SPAG9: variants seen among roughly 807,000 people sequenced by gnomAD.
SPAG9 encodes the protein C-Jun-amino-terminal kinase-interacting protein 4.
Under a neutral mutation model 166.5 loss-of-function variants are expected in SPAG9, and 35 were observed. The observed-to-expected ratio is 0.21, with a 90% confidence interval of 0.16 to 0.28. The LOEUF (loss-of-function observed/expected upper bound fraction) is 0.28, where lower values mean the gene tolerates loss of function less well. Among genes scored for constraint, SPAG9 ranks in the 10% least tolerant of loss-of-function variants. The probability of loss-of-function intolerance (pLI) is 1.00; values close to 1 mark genes in which losing one functional copy is unlikely to be tolerated. For missense variants in SPAG9, 1,235 were observed against 1,603.3 expected (o/e 0.77, Z 3.92); for synonymous variants, 534 against 565.5 (o/e 0.94, Z 0.79).
At chr17:50,971,735 C>A (rs1422758013) in intron 28 of SPAG9, among the ~76,000 whole-genome samples, 1 of 152,000 alleles carries the variant, frequency 6.6e-6, no homozygotes, top group African/African-American at 2.4e-5. Context: ...GCTGGGAATA[C>A]AGGCATGAGC....
At chr17:50,975,013 C>G in intron 27 of SPAG9, 66 bp from the exon 28 acceptor site, 1 of 1,431,540 alleles carries the variant, frequency 7.0e-7, no homozygotes, top group South Asian at 1.2e-5. Context: ...TAAGAGGTTA[C>G]TGGTTAATCC....
intron 2 of SPAG9, among the ~76,000 whole-genome samples, chr17:51,068,551 C>T (rs1004684457): frequency 9.9e-5 from 15 of 152,114 alleles, no homozygotes; most frequent in South Asian, 2.1e-4. Context: ...GGACAGTCCA[C>T]GCTTAACCTC....
In SPAG9 at chr17:51,031,757, TTA is replaced by T. The variant is rs1324241913; in HGVS notation, c.742-37_742-36del. On this transcript the variant is annotated intron_variant, in intron 5 of 29. Coordinates refer to ENST00000262013, the MANE Select transcript of SPAG9 (RefSeq NM_001130528.3). Reference sequence around the variant, plus strand: ...GGGAAGATTATAAAAGAGAAAAAAATTATGTGTTTACTAGGTTTTAACACAGC... The same window carrying T: ...GGGAAGATTATAAAAGAGAAAAAAATTGTGTTTACTAGGTTTTAACACAGC... 5 of 1,500,616 alleles carry T rather than the reference TTA, an allele frequency of 3.3e-6. No individual in the cohort carries two copies. The African/African-American group carries it at 6.9e-5, about 21-fold the overall frequency. The allele number at this position is 1,500,616 out of a possible 1,614,324, so 93.0% of individuals were successfully genotyped here. A position where few individuals can be genotyped will look rare whatever the true frequency, so the allele number is the denominator to read the frequency against.
chr17:51,019,618 C>A (rs147533628), intron 8 of SPAG9, among the ~76,000 whole-genome samples: 2 of 151,330 alleles, frequency 1.3e-5, no homozygotes, highest in Non-Finnish European at 2.9e-5. Flanking sequence ...TTTGGGAGGC[C>A]GAGGCGGGTG....
In SPAG9 at chr17:50,996,604, C is replaced by T. The variant is rs373277751; in HGVS notation, c.1929G>A (p.Val643=). The T allele has an allele frequency of 4.3e-6, 7 of 1,614,064 alleles. No homozygotes were observed. Among genetic ancestry groups the T allele is most frequent in the Middle Eastern group, 1.6e-4 (1 of 6,084 alleles). The change falls in exon 16 of 30, where the codon GTG becomes GTA. Residue 643 remains valine, a synonymous_variant. Transcript: ENST00000262013. The part of the protein sequence containing the change: ...KAHVQKEDGR[V]QAFGWSLPQK... ...GAGGCAGACTCCAGCCAAAAGCCTG[C>T]ACTCTACCGTCTTCCTTCTGAACAT...
intron 19 of SPAG9, among the ~76,000 whole-genome samples, chr17:50,991,669 G>C (rs908778715): frequency 7.9e-5 from 12 of 151,526 alleles, no homozygotes; most frequent in African/African-American, 2.9e-4. Context: ...TGTTGCCCAG[G>C]CTGGTGTGCA....
chr17:51,027,247 C>T (rs2046218127), intron 6 of SPAG9, among the ~76,000 whole-genome samples: 1 of 152,004 alleles, frequency 6.6e-6, no homozygotes, highest in South Asian at 2.1e-4. Flanking sequence ...GCCTGGCCAA[C>T]ATGGTGAAAA....
chr17:51,013,843 G>C (rs1003210165), intron 9 of SPAG9, among the ~76,000 whole-genome samples: 12 of 152,024 alleles, frequency 7.9e-5, no homozygotes, highest in Non-Finnish European at 1.8e-4. Flanking sequence ...AGAATATAAT[G>C]AAATTTATGT....
chr17:50,985,799 C>A (rs1228907565), intron 22 of SPAG9, 21 bp from the exon 23 acceptor site: 2 of 1,431,530 alleles, frequency 1.4e-6, no homozygotes, highest in Non-Finnish European at 2.0e-6. Flanking sequence ...AAAGTCAACA[C>A]TGGTAAGGCA....
At chr17:50,997,551 T>C (rs777843975) in intron 15 of SPAG9, among the ~76,000 whole-genome samples, 1 of 152,234 alleles carries the variant, frequency 6.6e-6, no homozygotes, top group Non-Finnish European at 1.5e-5. Flanking sequence ...TAAAATGATT[T>C]TGAAAATAAT....
At chr17:50,981,684 C>T (rs1380380067) in intron 25 of SPAG9, among the ~76,000 whole-genome samples, 3 of 149,762 alleles carry the variant, frequency 2.0e-5, no homozygotes, top group Non-Finnish European at 4.4e-5. Flanking sequence ...TTTTGTCCCC[C>T]TAAACAATTA....
chr17:50,999,492 A>G, intron 14 of SPAG9, 169 bp downstream of exon 14: 1 of 1,502,112 alleles, frequency 6.7e-7, no homozygotes, highest in Non-Finnish European at 8.8e-7. Flanking sequence ...GGCACACTAT[A>G]TATTAAAAAA....
intron 29 of SPAG9, 30 bp downstream of exon 29, chr17:50,970,677 C>A (rs1973717617): frequency 1.2e-6 from 2 of 1,606,390 alleles, no homozygotes; most frequent in South Asian, 2.2e-5. Context: ...GCACACAGTG[C>A]AAACTGAGCA....
At position 51,095,930 on chromosome 17, in the gene SPAG9, T is replaced by C. The variant is rs188322159; in HGVS notation, c.304-16226A>G. 6.0e-4 allele frequency among the ~76,000 whole-genome samples: 84 copies of C among 141,046 alleles called. 2 individuals are homozygous for C. The East Asian group carries it at 0.012, about 20-fold the overall frequency. The allele number at this position is 141,046 out of a possible 152,430, so 92.5% of individuals were successfully genotyped here. A position where few individuals can be genotyped will look rare whatever the true frequency, so the allele number is the denominator to read the frequency against. On this transcript the variant is annotated intron_variant, in intron 1 of 29. Transcript: ENST00000262013. ...ATATAGTGATATATATATAGTGATA[T>C]ATATAGTGATATAGTTATATATATA...
chr17:50,996,495 T>G, intron 16 of SPAG9, 70 bp downstream of exon 16: 6 of 1,573,298 alleles, frequency 3.8e-6, no homozygotes, highest in Non-Finnish European at 5.2e-6. Context: ...CAGTGAATCC[T>G]TCATGCCCAC....
chr17:51,006,899 G>A (rs1203825690), intron 10 of SPAG9, among the ~76,000 whole-genome samples: 1 of 152,128 alleles, frequency 6.6e-6, no homozygotes, highest in Non-Finnish European at 1.5e-5. Flanking sequence ...AAATATTTGT[G>A]TGGAAATAAA....
intron 8 of SPAG9, 113 bp from the exon 9 acceptor site, chr17:51,014,466 T>G (rs2045617517): frequency 1.2e-6 from 1 of 821,746 alleles, no homozygotes; most frequent in South Asian, 3.5e-5. Context: ...ATAATTTACG[T>G]TTACTAGAAA....
chr17:51,031,998 A>T (rs2046402753), intron 5 of SPAG9: 2 of 546,452 alleles, frequency 3.7e-6, no homozygotes, highest in East Asian at 4.2e-5. Context: ...TTCTACTTAC[A>T]CCACTTTATG....
At chr17:51,054,755 C>T (rs983162388) in intron 3 of SPAG9, among the ~76,000 whole-genome samples, 1 of 151,910 alleles carries the variant, frequency 6.6e-6, no homozygotes, top group Admixed American at 6.6e-5. Context: ...TATTTTTTAC[C>T]ACTGAAAAAG....
Sources: allele counts gnomAD v4.1 joint callset (sites outside exome capture counted in the v4.1 genomes callset), GRCh38; gene constraint gnomAD v4.1.1; transcripts MANE v1.5; gene names NCBI Gene and HGNC (gene_info 2026-07-23, HGNC 2026-07-21).